The following NTN1 variants were observed in gnomAD, a reference collection of about 807,000 sequenced individuals.
The protein encoded by NTN1 is netrin 1.
NTN1 carries 11 observed loss-of-function variants against 54.2 expected under a neutral mutation model. The observed-to-expected ratio is 0.20, with a 90% confidence interval of 0.13 to 0.34. The LOEUF is 0.34. NTN1 is among the 10% of genes least tolerant of loss of function. The probability of loss-of-function intolerance (pLI) is 1.00; values close to 1 mark genes in which losing one functional copy is unlikely to be tolerated. For missense variants in NTN1, 740 were observed against 893.1 expected (o/e 0.83, Z 2.18); for synonymous variants, 371 against 382.0 (o/e 0.97, Z 0.33).
chr17:9,233,603 A>T (rs927589479), intron 6 of NTN1, among the ~76,000 whole-genome samples: 1 of 151,876 alleles, frequency 6.6e-6, no homozygotes, highest in South Asian at 2.1e-4. Context: ...TTTTGGATGG[A>T]CTGGGGTCTG....
chr17:9,100,818 C>G (rs2092148276), intron 2 of NTN1, among the ~76,000 whole-genome samples: 1 of 152,034 alleles, frequency 6.6e-6, no homozygotes, highest in Non-Finnish European at 1.5e-5. Flanking sequence ...GTCATCCTGT[C>G]AGTTAGTATC....
intron 2 of NTN1, among the ~76,000 whole-genome samples, chr17:9,058,625 A>G (rs903299639): frequency 1.6e-5 from 2 of 124,624 alleles, no homozygotes; most frequent in African/African-American, 3.2e-5. Context: ...TCCTTGGCCC[A>G]TGGTAGGCAC....
Position 9,146,677 on chromosome 17 carries a change from G to A in NTN1, c.1019-16136G>A, listed in dbSNP as rs139615892. 4.3e-4 allele frequency among the ~76,000 whole-genome samples: 65 copies of A among 152,276 alleles called. 1 individual carries two copies. The East Asian group carries it at 0.012, about 28-fold the overall frequency. ...TCTGGGTGCTGAGACAGAGTGAGGC[G>A]GGACAATGTCTCTGATTGCTAGTGA... On this transcript the variant is annotated intron_variant, in intron 2 of 6. Coordinates refer to ENST00000173229, the MANE Select transcript of NTN1 (RefSeq NM_004822.3).
chr17:9,239,912 C>T lies in NTN1; in HGVS notation c.1759C>T (p.Arg587Trp), dbSNP rs1326470780. The stretch of plus-strand genomic sequence containing the variant: ...GATCCAGTGGCGGGACACGTGGGCG[C>T]GGCGGCTGCGCAAGTTCCAGCAGCG... Reference protein sequence around the residue: ...LVIQWRDTWARRLRKFQQREK... With the variant: ...LVIQWRDTWAWRLRKFQQREK... The change falls in exon 7 of 7, where the codon CGG becomes TGG. Residue 587 changes from arginine (R) to tryptophan (W), a missense_variant. Coordinates refer to ENST00000173229, the MANE Select transcript of NTN1 (RefSeq NM_004822.3). The surrounding 1 kb of genome is among the most constrained non-coding windows in gnomAD (Gnocchi z 5.2). The T allele has an allele frequency of 1.5e-6, 2 of 1,353,236 alleles. No individual in the cohort carries two copies. The highest frequency in any genetic ancestry group is 2.0e-6 in the Non-Finnish European group (2 of 1,020,770). 83.8% of individuals were successfully genotyped at this position (1,353,236 alleles called of 1,614,324 possible).
the NTN1 span, among the ~76,000 whole-genome samples, chr17:9,014,623 G>A: frequency 1.3e-5 from 2 of 152,202 alleles, no homozygotes; most frequent in African/African-American, 4.8e-5. Context: ...GAAACACTAT[G>A]AATCCAGGCC....
intron 2 of NTN1, among the ~76,000 whole-genome samples, chr17:9,159,260 A>G (rs2092351144): frequency 6.6e-6 from 1 of 152,246 alleles, no homozygotes; most frequent in Non-Finnish European, 1.5e-5. Context: ...ATATAAATAG[A>G]AAAACAATAC....
intron 2 of NTN1, among the ~76,000 whole-genome samples, chr17:9,118,426 G>T (rs2092221688): frequency 6.6e-6 from 1 of 152,180 alleles, no homozygotes; most frequent in Non-Finnish European, 1.5e-5. Flanking sequence ...GCTGAGGCAG[G>T]AGAATCACTT....
chr17:9,022,166 G>A (rs1402596430), intron 1 of NTN1, 145 bp from the exon 2 acceptor site: 3 of 511,096 alleles, frequency 5.9e-6, no homozygotes, highest in Admixed American at 4.5e-5. Flanking sequence ...GCCGCCCGCG[G>A]GACTTTGGGG....
At chr17:9,223,359 C>T (rs1227913075) in intron 6 of NTN1, among the ~76,000 whole-genome samples, 1 of 152,126 alleles carries the variant, frequency 6.6e-6, no homozygotes, top group African/African-American at 2.4e-5. Context: ...TGAGACCAGC[C>T]TGGCCAACAT....
chr17:9,226,418 AGGC>A (rs1905551959), intron 6 of NTN1, among the ~76,000 whole-genome samples: 14 of 139,906 alleles, frequency 1.0e-4, no homozygotes, highest in Non-Finnish European at 1.7e-4. Context: ...GGCCGTGGGG[AGGC>A]GGTCTCGTGG....
intron 2 of NTN1, among the ~76,000 whole-genome samples, chr17:9,152,175 C>G (rs2092329785): frequency 6.6e-6 from 1 of 152,162 alleles, no homozygotes; most frequent in Admixed American, 6.5e-5. Context: ...CCTTTAAGAG[C>G]TGTAACACTC....
chr17:9,183,848 A>T (rs16958002), intron 5 of NTN1, among the ~76,000 whole-genome samples: 7,279 of 152,266 alleles, frequency 0.048, 311 homozygotes, highest in East Asian at 0.13. Flanking sequence ...GGCTGTCGGC[A>T]CTCAGAGTGT....
At chr17:9,014,579 G>T in the NTN1 span, among the ~76,000 whole-genome samples, 1 of 152,158 alleles carries the variant, frequency 6.6e-6, no homozygotes, top group African/African-American at 2.4e-5. Flanking sequence ...TGGAACCAAG[G>T]CCTGTCCAAG....
intron 2 of NTN1, among the ~76,000 whole-genome samples, chr17:9,137,638 CA>C (rs2092284982): frequency 6.6e-6 from 1 of 152,010 alleles, no homozygotes; most frequent in Non-Finnish European, 1.5e-5. Context: ...ACTAAAAATA[CA>C]AAAAATTAGC....
At chr17:9,079,205 C>A (rs902293985) in intron 2 of NTN1, among the ~76,000 whole-genome samples, 1 of 152,132 alleles carries the variant, frequency 6.6e-6, no homozygotes, top group Non-Finnish European at 1.5e-5. Context: ...TGTTGCTGTG[C>A]CAAGGGAGTA....
At chr17:9,079,831 A>T (rs537277494) in intron 2 of NTN1, among the ~76,000 whole-genome samples, 102 of 146,902 alleles carry the variant, frequency 6.9e-4, no homozygotes, top group African/African-American at 2.5e-3. Flanking sequence ...GTGGTTCCCC[A>T]ATGGGCCTGT....
intron 2 of NTN1, among the ~76,000 whole-genome samples, chr17:9,051,994 C>T (rs1397658822): frequency 2.0e-5 from 3 of 151,496 alleles, no homozygotes; most frequent in East Asian, 1.9e-4. Flanking sequence ...TGTTTTGACG[C>T]GGAGTTTCGC....
intron 2 of NTN1, among the ~76,000 whole-genome samples, chr17:9,144,231 C>T (rs2092306733): frequency 6.6e-6 from 1 of 151,796 alleles, no homozygotes; most frequent in Non-Finnish European, 1.5e-5. Flanking sequence ...CCATAATGAA[C>T]TCATCCAGTG....
chr17:9,022,425 C>G lies in NTN1; in HGVS notation c.52C>G (p.Leu18Val). Residue 18 changes from leucine (L) to valine (V), a missense_variant, in exon 2 of 7, where the codon CTG (leucine) becomes GTG (valine). By Grantham distance (32) the Leu-to-Val change is conservative. Transcript: ENST00000173229. ...GGCGGCGCTGGCGGCGGTGGCGTGC[C>G]TGGTGGGCGCGGTGCGCGGCGGGCC... ...ALAALAAVAC[L>V]VGAVRGGPGL... The G allele has an allele frequency of 7.4e-7, 1 of 1,359,200 alleles. No individual in the cohort carries two copies. The highest frequency in any genetic ancestry group is 9.4e-7 in the Non-Finnish European group (1 of 1,066,350). 84.2% of individuals were successfully genotyped at this position (1,359,200 alleles called of 1,614,324 possible). A position where few individuals can be genotyped will look rare whatever the true frequency, so the allele number is the denominator to read the frequency against.
Sources: gnomAD v4.1 joint callset for allele counts (sites outside exome capture counted in the v4.1 genomes callset) on GRCh38, gnomAD v4.1.1 for gene constraint, Gnocchi (gnomAD v3.1) non-coding constraint, MANE v1.5 for transcripts, NCBI Gene and HGNC (gene_info 2026-07-23, HGNC 2026-07-21) for gene names.